Variants in B4GALT1 observed in about 807,000 individuals in gnomAD.
The protein encoded by B4GALT1 is beta-1,4-galactosyltransferase 1, also known as N-acetyllactosamine synthase.
In B4GALT1, 16 loss-of-function variants were observed where a neutral mutation model predicts 34.9. The observed-to-expected ratio is 0.46, with a 90% CI of 0.31 to 0.70. The LOEUF is 0.70. B4GALT1 is among the 30% of genes least tolerant of loss of function. The probability of loss-of-function intolerance (pLI) is 0.05; values close to 1 mark genes in which losing one functional copy is unlikely to be tolerated. For synonymous variants in B4GALT1, 221 were observed against 218.1 expected, an observed-to-expected ratio of 1.01 and a Z score of -0.12; for missense variants, 445 against 530.5, an observed-to-expected ratio of 0.84 and a Z score of 1.58.
intron 2 of B4GALT1, among the ~76,000 whole-genome samples, chr9:33,132,304 C>G (rs1840204782): frequency 6.6e-6 from 1 of 152,108 alleles, no homozygotes; most frequent in South Asian, 2.1e-4. Context: ...GAGATGCTAA[C>G]TTAGGCCCGC....
the B4GALT1 span, among the ~76,000 whole-genome samples, chr9:33,175,020 T>TATATATATAAAA: frequency 1.0e-4 from 4 of 39,076 alleles, no homozygotes; most frequent in Admixed American, 4.7e-4. Context: ...TATATATATA[T>TATATATATAAAA]AAAATTGGAG....
At chr9:33,181,352 A>C in the B4GALT1 span, among the ~76,000 whole-genome samples, 1 of 150,958 alleles carries the variant, frequency 6.6e-6, no homozygotes, top group Non-Finnish European at 1.5e-5. Flanking sequence ...TAAGCCCAGG[A>C]GGTTGAGGTG....
chr9:33,141,880 G>T (rs1453110762), intron 1 of B4GALT1, among the ~76,000 whole-genome samples: 1 of 152,244 alleles, frequency 6.6e-6, no homozygotes, highest in African/African-American at 2.4e-5. Flanking sequence ...AAGAGCAGGG[G>T]ATGGAGAGCC....
At chr9:33,173,400 G>A in the B4GALT1 span, among the ~76,000 whole-genome samples, 9 of 142,090 alleles carry the variant, frequency 6.3e-5, no homozygotes, top group East Asian at 2.2e-4. Context: ...ACGAGACTCC[G>A]TCTCAAAAAA....
At chr9:33,143,997 C>T (rs1399784034) in intron 1 of B4GALT1, among the ~76,000 whole-genome samples, 3 of 151,608 alleles carry the variant, frequency 2.0e-5, no homozygotes, top group Admixed American at 6.6e-5. Flanking sequence ...GCTGTGGTCT[C>T]GGCCTCCTGA....
chr9:33,120,669 G>A (rs1202150283), intron 2 of B4GALT1, 63 bp from the exon 3 acceptor site: 2 of 1,554,568 alleles, frequency 1.3e-6, no homozygotes, highest in Middle Eastern at 1.8e-4. Context: ...AACACTCACA[G>A]GGACTGGTGA....
At chr9:33,119,309 G>A (rs1236073737) in intron 3 of B4GALT1, among the ~76,000 whole-genome samples, 2 of 152,188 alleles carry the variant, frequency 1.3e-5, no homozygotes, top group Non-Finnish European at 2.9e-5. Context: ...TGGATAATAC[G>A]CTAGTCGGGC....
chr9:33,117,401 G>A (rs1259785905), intron 3 of B4GALT1, among the ~76,000 whole-genome samples: 2 of 152,158 alleles, frequency 1.3e-5, no homozygotes, highest in South Asian at 2.1e-4. Flanking sequence ...TATTTCAGTG[G>A]TTATGAATTG....
intron 2 of B4GALT1, among the ~76,000 whole-genome samples, chr9:33,128,691 A>G (rs920005338): frequency 6.6e-6 from 1 of 152,142 alleles, no homozygotes; most frequent in African/African-American, 2.4e-5. Flanking sequence ...ACACACATCA[A>G]TCTGTGCACT....
intron 1 of B4GALT1, among the ~76,000 whole-genome samples, chr9:33,150,173 G>C (rs902468010): frequency 1.6e-5 from 1 of 61,126 alleles, no homozygotes; most frequent in South Asian, 5.5e-4. Context: ...ATATATGAGA[G>C]AGAGAGATCT....
intron 1 of B4GALT1, 112 bp from the exon 2 acceptor site, chr9:33,135,536 C>G: frequency 3.6e-6 from 4 of 1,124,524 alleles, no homozygotes; most frequent in Non-Finnish European, 3.9e-6. Flanking sequence ...ATGTCTCCTC[C>G]TGGGAGGCAA....
At chr9:33,153,215 T>C (rs1173818143) in intron 1 of B4GALT1, among the ~76,000 whole-genome samples, 1 of 152,208 alleles carries the variant, frequency 6.6e-6, no homozygotes, top group Non-Finnish European at 1.5e-5. Flanking sequence ...AGCACTCCTA[T>C]ACACTGTTAA....
chr9:33,149,330 G>A (rs1024336588), intron 1 of B4GALT1, among the ~76,000 whole-genome samples: 2 of 151,454 alleles, frequency 1.3e-5, no homozygotes, highest in African/African-American at 2.4e-5. Context: ...ACCCTGGCTA[G>A]AGTGCAGTGG....
At chr9:33,131,445 C>T (rs190554861) in intron 2 of B4GALT1, among the ~76,000 whole-genome samples, 29 of 152,270 alleles carry the variant, frequency 1.9e-4, no homozygotes, top group Admixed American at 1.0e-3. Flanking sequence ...CTGCTGTAAG[C>T]GGAAGGTTGT....
intron 1 of B4GALT1, among the ~76,000 whole-genome samples, chr9:33,147,943 A>G (rs1464262923): frequency 6.6e-6 from 1 of 152,144 alleles, no homozygotes; most frequent in Non-Finnish European, 1.5e-5. Context: ...CTGAGGTGGG[A>G]GGATCGCTTA....
rs1198904315 is a variant in B4GALT1 at position 33,111,566 on chromosome 9, A to G, written c.*1888T>C. ...TTAACCAATACAAAGGCTTCTGGAA[A>G]AAGAACCAAGTTAGCATCTGAGATG... On this transcript the variant is annotated 3_prime_UTR_variant, in exon 6 of 6. Transcript: ENST00000379731. 3.3e-5 allele frequency: 5 copies of G among 152,690 alleles called. No homozygotes were observed. The allele number at this position is 152,690 out of a possible 1,614,324, so 9.5% of individuals were successfully genotyped here.
chr9:33,160,344 G>A (rs1840656213), intron 1 of B4GALT1, among the ~76,000 whole-genome samples: 1 of 152,192 alleles, frequency 6.6e-6, no homozygotes, highest in African/African-American at 2.4e-5. Context: ...TCAGCTGACA[G>A]ACTATGATAC....
chr9:33,171,766 G>A (rs77396426), upstream of B4GALT1, among the ~76,000 whole-genome samples: 778 of 152,234 alleles, frequency 5.1e-3, 2 homozygotes, highest in Non-Finnish European at 8.6e-3. Context: ...TATTGCTCAG[G>A]CTAGTCTCGA....
intron 1 of B4GALT1, among the ~76,000 whole-genome samples, chr9:33,153,944 T>C (rs530533080): frequency 8.0e-5 from 11 of 137,212 alleles, no homozygotes; most frequent in African/African-American, 2.5e-4. Flanking sequence ...GGTAAACAAC[T>C]ATGAAAGAGA....
Sources: allele counts gnomAD v4.1 joint callset (sites outside exome capture counted in the v4.1 genomes callset), GRCh38; gene constraint gnomAD v4.1.1; transcripts MANE v1.5; gene names NCBI Gene and HGNC (gene_info 2026-07-23, HGNC 2026-07-21).